The following ABTB3 variants were observed in gnomAD, a reference collection of about 807,000 sequenced individuals.
The protein encoded by ABTB3 is ankyrin repeat- and BTB/POZ domain-containing protein 3.
the ABTB3 span, among the ~76,000 whole-genome samples, chr12:107,386,006 G>A: frequency 7.0e-6 from 1 of 143,780 alleles, no homozygotes; most frequent in Non-Finnish European, 1.5e-5. Flanking sequence ...AGCTCCTGTT[G>A]TGTGACCTTG....
chr12:107,478,903 A>T, the ABTB3 span, among the ~76,000 whole-genome samples: 2 of 152,088 alleles, frequency 1.3e-5, no homozygotes, highest in African/African-American at 4.8e-5. Context: ...CTGAATCAGG[A>T]GCAACCTTTG....
At chr12:107,446,543 GT>G in the ABTB3 span, among the ~76,000 whole-genome samples, 5 of 152,154 alleles carry the variant, frequency 3.3e-5, no homozygotes, top group African/African-American at 9.7e-5. Context: ...TCTCCCCTGT[GT>G]CCCTCATGTA....
At chr12:107,637,372 A>G in the ABTB3 span, among the ~76,000 whole-genome samples, 2 of 152,310 alleles carry the variant, frequency 1.3e-5, no homozygotes, top group East Asian at 3.9e-4. Context: ...AGCCTGGGCA[A>G]CAGATTGAGA....
At chr12:107,491,593 T>C in the ABTB3 span, among the ~76,000 whole-genome samples, 16 of 152,194 alleles carry the variant, frequency 1.1e-4, no homozygotes, top group African/African-American at 3.4e-4. Context: ...GGGTCCGAGA[T>C]AGGCAGATCA....
the ABTB3 span, among the ~76,000 whole-genome samples, chr12:107,592,109 A>C: frequency 6.6e-6 from 1 of 152,250 alleles, no homozygotes; most frequent in East Asian, 1.9e-4. Flanking sequence ...TAGCGTCATC[A>C]GCATTTCCAA....
chr12:107,499,690 C>CT, the ABTB3 span, among the ~76,000 whole-genome samples: 43,775 of 143,272 alleles, frequency 0.31, 8,450 homozygotes, highest in African/African-American at 0.55. Context: ...TTTTTCTTTT[C>CT]TTTTTTTTTT....
chr12:107,424,932 T>C, the ABTB3 span, among the ~76,000 whole-genome samples: 1 of 152,226 alleles, frequency 6.6e-6, no homozygotes, highest in Non-Finnish European at 1.5e-5. Flanking sequence ...TCTGTGTTCC[T>C]CTGCTCCTGC....
chr12:107,341,263 C>G, the ABTB3 span, among the ~76,000 whole-genome samples: 1 of 152,168 alleles, frequency 6.6e-6, no homozygotes, highest in Non-Finnish European at 1.5e-5. Context: ...GTAGCAGGGA[C>G]TTGTGAAGCA....
the ABTB3 span, among the ~76,000 whole-genome samples, chr12:107,543,780 T>C: frequency 6.6e-6 from 1 of 151,788 alleles, no homozygotes; most frequent in Non-Finnish European, 1.5e-5. Flanking sequence ...ATGAATCCAT[T>C]CCTCTCTGCT....
At chr12:107,551,985 C>T in the ABTB3 span, among the ~76,000 whole-genome samples, 3 of 152,316 alleles carry the variant, frequency 2.0e-5, no homozygotes, top group East Asian at 1.9e-4. Flanking sequence ...CTCCTGACCT[C>T]GGGTGATCCG....
At chr12:107,372,394 A>G in the ABTB3 span, among the ~76,000 whole-genome samples, 1 of 152,104 alleles carries the variant, frequency 6.6e-6, no homozygotes, top group South Asian at 2.1e-4. Flanking sequence ...TCTCATGTAA[A>G]TTTCATAATA....
chr12:107,645,282 T>C, the ABTB3 span, among the ~76,000 whole-genome samples: 1 of 152,180 alleles, frequency 6.6e-6, no homozygotes, highest in Non-Finnish European at 1.5e-5. Context: ...TTCACATTTC[T>C]AACAAGAACC....
the ABTB3 span, among the ~76,000 whole-genome samples, chr12:107,501,699 C>CA: frequency 6.6e-6 from 1 of 151,170 alleles, no homozygotes; most frequent in Non-Finnish European, 1.5e-5. Context: ...GACTCCATCT[C>CA]AAAAACAAAA....
the ABTB3 span, among the ~76,000 whole-genome samples, chr12:107,406,226 G>A: frequency 5.5e-3 from 831 of 152,304 alleles, 7 homozygotes; most frequent in African/African-American, 0.019. Context: ...GGCACCAGAA[G>A]CACCCCATAA....
chr12:107,351,229 C>T, the ABTB3 span, among the ~76,000 whole-genome samples: 2 of 152,130 alleles, frequency 1.3e-5, no homozygotes, highest in Admixed American at 6.5e-5. Context: ...AGTTGGTATC[C>T]GGGTGGCCAT....
chr12:107,579,249 G>T, the ABTB3 span, among the ~76,000 whole-genome samples: 1 of 152,242 alleles, frequency 6.6e-6, no homozygotes, highest in Non-Finnish European at 1.5e-5. Context: ...GCCAGCAAGA[G>T]TCCATGACCT....
chr12:107,566,997 G>A, the ABTB3 span, among the ~76,000 whole-genome samples: 2 of 152,120 alleles, frequency 1.3e-5, no homozygotes, highest in Non-Finnish European at 2.9e-5. Context: ...ACTGCCTGTG[G>A]TCCCAGCTAC....
chr12:107,498,938 A>G, the ABTB3 span, among the ~76,000 whole-genome samples: 1 of 152,246 alleles, frequency 6.6e-6, no homozygotes, highest in Non-Finnish European at 1.5e-5. Context: ...CATTTCTGAA[A>G]GTGGCTGGAA....
chr12:107,505,048 A>G, the ABTB3 span, among the ~76,000 whole-genome samples: 1 of 152,214 alleles, frequency 6.6e-6, no homozygotes, highest in African/African-American at 2.4e-5. Flanking sequence ...AGAGCTGGTA[A>G]CAGGAAGAGG....
Sources: gnomAD v4.1 joint callset for allele counts (sites outside exome capture counted in the v4.1 genomes callset) on GRCh38, gnomAD v4.1.1 for gene constraint, MANE v1.5 for transcripts, NCBI Gene and HGNC (gene_info 2026-07-23, HGNC 2026-07-21) for gene names.